The following MED13 variants were observed in gnomAD, a reference collection of about 807,000 sequenced individuals.
The protein encoded by MED13 is mediator complex subunit 13, also known as mediator of RNA polymerase II transcription subunit 13.
In MED13, 23 loss-of-function variants were observed where a neutral mutation model predicts 225.2. The observed-to-expected ratio is 0.10, with a 90% confidence interval of 0.07 to 0.14. The LOEUF is 0.14. Among genes scored for constraint, MED13 ranks in the 10% least tolerant of loss-of-function variants. The pLI is 1.00. For synonymous variants in MED13, 942 were observed against 889.2 expected, an observed-to-expected ratio of 1.06 and a Z score of -1.06; for missense variants, 2,197 against 2,594.5, an observed-to-expected ratio of 0.85 and a Z score of 3.33.
Position 62,011,317 on chromosome 17 carries a change from C to G in MED13, c.1284-84G>C, listed in dbSNP as rs76859458. 1.7e-4 allele frequency: 194 copies of G among 1,137,176 alleles called. 2 individuals carry two copies. In the East Asian group the frequency reaches 4.7e-3, roughly 27 times the overall value. The allele number at this position is 1,137,176 out of a possible 1,614,324, so 70.4% of individuals were successfully genotyped here. The stretch of plus-strand genomic sequence containing the variant: ...TACCAGTTAATAGTATTAGACACTT[C>G]GGTTATCATTTCTTTTTCACATGTA... On this transcript the variant is annotated intron_variant, in intron 8 of 29. Transcript: ENST00000397786.
chr17:62,042,114 A>T (rs781541729), intron 3 of MED13, among the ~76,000 whole-genome samples: 9 of 152,222 alleles, frequency 5.9e-5, no homozygotes, highest in African/African-American at 2.2e-4. Context: ...TTAAATTTTT[A>T]AATTTACAGG....
intron 26 of MED13, among the ~76,000 whole-genome samples, chr17:61,953,523 G>A (rs2079914724): frequency 6.6e-6 from 1 of 152,198 alleles, no homozygotes. Context: ...ACACTATACT[G>A]CTGGCATCCA....
chr17:61,976,205 T>C (rs2080154867), intron 16 of MED13, among the ~76,000 whole-genome samples: 1 of 152,222 alleles, frequency 6.6e-6, no homozygotes, highest in African/African-American at 2.4e-5. Flanking sequence ...TACGGTATCT[T>C]CATACAATGG....
At position 62,028,378 on chromosome 17, in the gene MED13, A is replaced by C. The variant is rs142932826; in HGVS notation, c.1283+1163T>G. Among the ~76,000 whole-genome samples the C allele has an allele frequency of 4.7e-4, 72 of 152,264 alleles. 1 individual carries two copies. Among genetic ancestry groups the C allele is most frequent in the African/African-American group, 1.6e-3 (68 of 41,548 alleles). ...GGACACAAAGAAGGGTCCAACAGAC[A>C]CTGGGGTCTACTTGAGGGTGGAGGC... On this transcript the variant is annotated intron_variant, in intron 8 of 29. Transcript: ENST00000397786.
At chr17:61,948,798 G>A (rs560332848) in intron 28 of MED13, among the ~76,000 whole-genome samples, 2 of 151,472 alleles carry the variant, frequency 1.3e-5, no homozygotes, top group South Asian at 2.1e-4. Flanking sequence ...AAGAATAAGT[G>A]AGTCACGGCC....
chr17:62,059,830 G>A (rs2081024342), intron 2 of MED13, among the ~76,000 whole-genome samples: 1 of 152,028 alleles, frequency 6.6e-6, no homozygotes, highest in Non-Finnish European at 1.5e-5. Flanking sequence ...ACATTCTTAA[G>A]TAAATAACAG....
At chr17:62,025,038 GTA>G (rs1352294690) in intron 8 of MED13, among the ~76,000 whole-genome samples, 2 of 152,258 alleles carry the variant, frequency 1.3e-5, no homozygotes, top group Non-Finnish European at 2.9e-5. Context: ...ATTCCTCTGG[GTA>G]TATATATCCA....
At position 62,038,611 on chromosome 17, in the gene MED13, T is replaced by C. The variant is rs572036957; in HGVS notation, c.471-3003A>G. Among the ~76,000 whole-genome samples, 7 of 152,300 alleles carry C rather than the reference T, an allele frequency of 4.6e-5. No homozygotes were observed. In the South Asian group the frequency reaches 1.4e-3, roughly 32 times the overall value. On this transcript the variant is annotated intron_variant, in intron 3 of 29. Coordinates refer to ENST00000397786, the MANE Select transcript of MED13 (RefSeq NM_005121.3). Reference sequence around the variant, plus strand: ...GAAAATAAGTTTACTCTAGTATGTATAAAATCATAAAAGTCATCTTTCAAG... The same window carrying C: ...GAAAATAAGTTTACTCTAGTATGTACAAAATCATAAAAGTCATCTTTCAAG...
intron 23 of MED13, 76 bp downstream of exon 23, chr17:61,960,791 T>A (rs913118812): frequency 1.9e-6 from 2 of 1,057,032 alleles, no homozygotes; most frequent in Non-Finnish European, 2.7e-6. Context: ...ACCTTCAAAC[T>A]GGTTTTCTAT....
intron 3 of MED13, among the ~76,000 whole-genome samples, chr17:62,048,058 A>ATG (rs1464283480): frequency 1.4e-5 from 2 of 143,292 alleles, no homozygotes; most frequent in Admixed American, 7.1e-5. Flanking sequence ...ATATATATAT[A>ATG]TATATGTATA....
intron 8 of MED13, among the ~76,000 whole-genome samples, chr17:62,012,885 C>T (rs1038909415): frequency 7.3e-5 from 11 of 151,698 alleles, no homozygotes; most frequent in Admixed American, 2.0e-4. Flanking sequence ...CTCCGCCTCC[C>T]AGGTTCAAGC....
At chr17:62,047,623 A>G (rs561391289) in intron 3 of MED13, among the ~76,000 whole-genome samples, 1 of 152,270 alleles carries the variant, frequency 6.6e-6, no homozygotes, top group East Asian at 1.9e-4. Flanking sequence ...TAAAACCCAG[A>G]TGACGGGCTG....
chr17:61,978,208 G>A (rs1567955275), intron 16 of MED13, among the ~76,000 whole-genome samples: 2 of 150,846 alleles, frequency 1.3e-5, no homozygotes, highest in African/African-American at 4.9e-5. Flanking sequence ...GGAGCGAAAT[G>A]GCAGGATCTC....
At chr17:62,044,444 C>A (rs1045668200) in intron 3 of MED13, among the ~76,000 whole-genome samples, 8 of 152,104 alleles carry the variant, frequency 5.3e-5, no homozygotes, top group African/African-American at 1.9e-4. Context: ...CCCACAAAAT[C>A]AAAAATTTAT....
chr17:61,962,917 G>A lies in MED13; in HGVS notation c.4899C>T (p.Val1633=). 6.2e-7 allele frequency: 1 copy of A among 1,614,064 alleles called. No homozygotes were observed. Among genetic ancestry groups the A allele is most frequent in the Non-Finnish European group, 8.5e-7 (1 of 1,180,016 alleles). ...GIPTDGDSHA[V]TYPPAIVVYI... is the part of the protein sequence containing the mutation. ...AAACAACAATTGCAGGTGGATACGTGACTGCATGTGAATCACCATCTGTGG... is the reference window on the plus strand; with the variant it reads ...AAACAACAATTGCAGGTGGATACGTAACTGCATGTGAATCACCATCTGTGG... Residue 1633 remains valine, a synonymous_variant, in exon 21 of 30, where the codon GTC becomes GTT. Coordinates refer to ENST00000397786, the MANE Select transcript of MED13 (RefSeq NM_005121.3).
In MED13 at chr17:62,031,523, T is replaced by G. The variant is rs746471261; in HGVS notation, c.930A>C (p.Gln310His). Residue 310 changes from glutamine (Q) to histidine (H), a missense_variant, in exon 6 of 30, where the codon CAA becomes CAC. This residue lies in a region of MED13 where 884 missense variants were observed against 918.5 expected (regional missense o/e 0.96). Transcript: ENST00000397786. ...CAGGATCTCTTGTGGAAGCAGGCAC[T>G]TGGTGGACACCCAAGCAAGAAGATG... ...HCSSSCLGVH[Q>H]VPASTRDPAM... 1.2e-6 allele frequency: 2 copies of G among 1,614,016 alleles called. No individual in the cohort carries two copies. Among genetic ancestry groups the G allele is most frequent in the Non-Finnish European group, 1.7e-6 (2 of 1,179,972 alleles).
intron 6 of MED13, chr17:62,030,974 A>C (rs926921513): frequency 7.9e-5 from 12 of 152,484 alleles, no homozygotes; most frequent in African/African-American, 2.6e-4. Flanking sequence ...GAACACAGCA[A>C]TGGGCTGCTC....
At chr17:61,987,593 A>C (rs2080259378) in intron 11 of MED13, among the ~76,000 whole-genome samples, 1 of 152,176 alleles carries the variant, frequency 6.6e-6, no homozygotes, top group African/African-American at 2.4e-5. Context: ...ATAGAAAAAA[A>C]AGTTATAAAT....
chr17:62,018,845 GA>G (rs2080609164), intron 8 of MED13, among the ~76,000 whole-genome samples: 1 of 152,196 alleles, frequency 6.6e-6, no homozygotes, highest in South Asian at 2.1e-4. Context: ...ATCCTACACG[GA>G]TATTTAGAGA....
Sources: allele counts gnomAD v4.1 joint callset (sites outside exome capture counted in the v4.1 genomes callset), GRCh38; gene constraint gnomAD v4.1.1; regional missense constraint gnomAD v4.1.1; transcripts MANE v1.5; gene names NCBI Gene and HGNC (gene_info 2026-07-23, HGNC 2026-07-21).